The following EDIL3 variants were observed in gnomAD, a reference collection of about 807,000 sequenced individuals.
EDIL3 encodes the protein EGF like and discoidin domains 3, also known as EGF-like repeat and discoidin I-like domain-containing protein 3.
Under a neutral mutation model 67.4 loss-of-function variants are expected in EDIL3, and 37 were observed. The ratio of observed to expected loss-of-function variants is 0.55; its 90% CI spans 0.42 to 0.72. The LOEUF (loss-of-function observed/expected upper bound fraction) is 0.72, where lower values mean the gene tolerates loss of function less well. Among genes scored for constraint, EDIL3 ranks in the 30% least tolerant of loss-of-function variants. The pLI is 0.00. For missense variants in EDIL3, 527 were observed against 586.3 expected, an observed-to-expected ratio of 0.90 and a Z score of 1.04; for synonymous variants, 195 against 196.3, an observed-to-expected ratio of 0.99 and a Z score of 0.05.
rs182494523 is a variant in EDIL3 at position 84,174,848 on chromosome 5, T to C, written c.355+5545A>G. On this transcript the variant is annotated intron_variant, in intron 4 of 10. Coordinates refer to ENST00000296591, the MANE Select transcript of EDIL3 (RefSeq NM_005711.5). ...TTTTTGTTGTAGTTTTTAGTGCTGC[T>C]GCCACATCTGGCAGCAATGCTCCTC... is the stretch of plus-strand genomic sequence containing the variant. 2.5e-3 allele frequency among the ~76,000 whole-genome samples: 387 copies of C among 152,270 alleles called. 6 individuals carry two copies. The highest frequency in any genetic ancestry group is 0.024 in the Admixed American group (360 of 15,294).
At chr5:84,303,808 CTGTGTG>C (rs199605264) in intron 1 of EDIL3, among the ~76,000 whole-genome samples, 13,341 of 135,154 alleles carry the variant, frequency 0.099, 681 homozygotes, top group South Asian at 0.12. Context: ...CTCTCTCTCT[CTGTGTG>C]TGTGTGTGTG....
intron 6 of EDIL3, among the ~76,000 whole-genome samples, chr5:84,105,421 AG>A (rs1184511335): frequency 2.0e-5 from 3 of 152,094 alleles, no homozygotes; most frequent in Non-Finnish European, 4.4e-5. Context: ...AAGTATCTGA[AG>A]GAGATTTTGG....
At chr5:84,209,119 G>A (rs1482661277) in intron 3 of EDIL3, among the ~76,000 whole-genome samples, 2 of 151,482 alleles carry the variant, frequency 1.3e-5, no homozygotes, top group Non-Finnish European at 2.9e-5. Flanking sequence ...GTAAACTATC[G>A]CAAGGACAAA....
At chr5:83,992,311 G>C (rs570915656) in intron 9 of EDIL3, among the ~76,000 whole-genome samples, 8 of 152,226 alleles carry the variant, frequency 5.3e-5, no homozygotes, top group African/African-American at 1.9e-4. Flanking sequence ...AAAAATCTAT[G>C]TTCAATCCAC....
chr5:84,147,921 T>C (rs991371890), intron 4 of EDIL3, among the ~76,000 whole-genome samples: 5 of 152,100 alleles, frequency 3.3e-5, no homozygotes, highest in Admixed American at 6.6e-5. Context: ...TAGACTCAGA[T>C]AATAAAATTA....
intron 4 of EDIL3, among the ~76,000 whole-genome samples, chr5:84,163,370 T>C (rs1335686352): frequency 6.6e-6 from 1 of 152,138 alleles, no homozygotes; most frequent in Non-Finnish European, 1.5e-5. Context: ...TATGAGACTA[T>C]ACCTTAAAGA....
Position 84,064,702 on chromosome 5 carries a change from G to A in EDIL3, c.950C>T (p.Ser317Leu), listed in dbSNP as rs188169797. ...GAAATAGTTAATTTGAGACTTACCC[G>A]ACAGTTCACAGCCAAGAAGTTCCAT... ...LRMELLGCELSGCSEPLGMKS... is the reference protein window; with the variant it reads ...LRMELLGCELLGCSEPLGMKS... The change falls in exon 8 of 11, where the codon TCG becomes TTG. Residue 317 changes from serine to leucine, a missense_variant and splice_region_variant. Ser to Leu is a moderately radical substitution (Grantham distance 145). This residue lies in a region of EDIL3 where 494 missense variants were observed against 522.5 expected (regional missense o/e 0.95). Coordinates refer to ENST00000296591, the MANE Select transcript of EDIL3 (RefSeq NM_005711.5). The A allele has an allele frequency of 5.0e-6, 8 of 1,610,540 alleles. No individual in the cohort carries two copies. The highest frequency in any genetic ancestry group is 2.7e-5 in the African/African-American group (2 of 74,898).
rs774282578 is a variant in EDIL3, at chr5:84,384,380, C to A, written c.-6G>T. ...ACGGCTACCGAGCGCTTCATGATCC[C>A]GTCTCCCGGACGTGACCCCGGCTGG... On this transcript the variant is annotated 5_prime_UTR_variant, in exon 1 of 11. Transcript: ENST00000296591. The A allele has an allele frequency of 3.7e-6, 6 of 1,612,056 alleles. No homozygotes were observed. The African/African-American group carries it at 5.3e-5, about 14-fold the overall frequency.
chr5:84,371,629 CATA>C (rs1414069523), intron 1 of EDIL3, among the ~76,000 whole-genome samples: 1 of 150,804 alleles, frequency 6.6e-6, no homozygotes, highest in Non-Finnish European at 1.5e-5. Flanking sequence ...CAATAAATAG[CATA>C]ATAATATTAT....
At chr5:84,017,187 T>C (rs1411895909) in intron 9 of EDIL3, among the ~76,000 whole-genome samples, 1 of 152,206 alleles carries the variant, frequency 6.6e-6, no homozygotes, top group African/African-American at 2.4e-5. Flanking sequence ...AGTTCTATTG[T>C]CAAGATTTAC....
chr5:84,213,014 A>T (rs920288858), intron 3 of EDIL3, among the ~76,000 whole-genome samples: 1 of 152,026 alleles, frequency 6.6e-6, no homozygotes. Context: ...AAAAAAAAAA[A>T]ATCACAGTCT....
At chr5:84,313,164 A>G (rs752512458) in intron 1 of EDIL3, among the ~76,000 whole-genome samples, 12 of 152,224 alleles carry the variant, frequency 7.9e-5, no homozygotes, top group Non-Finnish European at 1.8e-4. Flanking sequence ...CAAAATACAG[A>G]AAACACCAAA....
chr5:84,184,984 G>A (rs892655537), intron 3 of EDIL3, among the ~76,000 whole-genome samples: 1 of 152,062 alleles, frequency 6.6e-6, no homozygotes, highest in African/African-American at 2.4e-5. Context: ...AAAGCAAAAG[G>A]GCCAAAGATT....
chr5:84,257,338 T>G (rs1366686390), intron 1 of EDIL3, among the ~76,000 whole-genome samples: 1 of 152,240 alleles, frequency 6.6e-6, no homozygotes, highest in Admixed American at 6.5e-5. Flanking sequence ...ATCTTAGAGA[T>G]GCCAACTGTT....
intron 9 of EDIL3, among the ~76,000 whole-genome samples, chr5:84,049,407 G>T (rs985324655): frequency 2.0e-5 from 3 of 152,164 alleles, no homozygotes; most frequent in African/African-American, 2.4e-5. Context: ...CCTACTGCAT[G>T]CTTCCACTGT....
At chr5:84,290,019 G>A (rs1745881803) in intron 1 of EDIL3, among the ~76,000 whole-genome samples, 1 of 152,136 alleles carries the variant, frequency 6.6e-6, no homozygotes, top group South Asian at 2.1e-4. Context: ...AGATTGTGGA[G>A]GATGCTTTAA....
intron 4 of EDIL3, among the ~76,000 whole-genome samples, chr5:84,148,178 C>A (rs2112327122): frequency 6.6e-6 from 1 of 152,184 alleles, no homozygotes; most frequent in Non-Finnish European, 1.5e-5. Flanking sequence ...AAACCATATT[C>A]ATATTGTTTG....
intron 6 of EDIL3, among the ~76,000 whole-genome samples, chr5:84,073,885 GC>G (rs1483350818): frequency 6.6e-6 from 1 of 151,948 alleles, no homozygotes; most frequent in Non-Finnish European, 1.5e-5. Flanking sequence ...AGCCTGCATT[GC>G]CAAGTCAATC....
At chr5:83,944,620 A>G (rs934339351) in intron 10 of EDIL3, among the ~76,000 whole-genome samples, 1 of 151,746 alleles carries the variant, frequency 6.6e-6, no homozygotes, top group Non-Finnish European at 1.5e-5. Flanking sequence ...TTTTTCTTAT[A>G]GATTCTGAAC....
Sources: allele counts gnomAD v4.1 joint callset (sites outside exome capture counted in the v4.1 genomes callset), GRCh38; gene constraint gnomAD v4.1.1; regional missense constraint gnomAD v4.1.1; transcripts MANE v1.5; gene names NCBI Gene and HGNC (gene_info 2026-07-23, HGNC 2026-07-21).